The following USP34 variants were observed in gnomAD, a reference collection of about 807,000 sequenced individuals.
USP34 encodes ubiquitin specific peptidase 34, also known as ubiquitin carboxyl-terminal hydrolase 34.
A neutral mutation model predicts 460.3 loss-of-function variants in USP34; 70 were observed. That is an observed-to-expected ratio of 0.15 (90% confidence interval 0.13 to 0.19). The LOEUF (loss-of-function observed/expected upper bound fraction) is 0.19, where lower values mean the gene tolerates loss of function less well. USP34 is among the 10% of genes least tolerant of loss of function. USP34 has a pLI of 1.00. For missense variants in USP34, 3,985 were observed against 4,236.2 expected (o/e 0.94, Z 1.65); for synonymous variants, 1,647 against 1,405.3 (o/e 1.17, Z -3.85).
chr2:61,192,075 C>A (rs1459428552), intron 76 of USP34, among the ~76,000 whole-genome samples: 1 of 152,162 alleles, frequency 6.6e-6, no homozygotes, highest in African/African-American at 2.4e-5. Context: ...TGGCAAACAT[C>A]TAGGAGAATC....
chr2:61,431,024 AGAAATGAAACGAAAT>A (rs891016123), intron 1 of USP34, among the ~76,000 whole-genome samples: 2 of 152,146 alleles, frequency 1.3e-5, no homozygotes, highest in African/African-American at 2.4e-5. Context: ...AAAATAGAAA[AGAAATGAAACGAAAT>A]GAAATGAAAC....
At chr2:61,329,654 A>G (rs1691202880) in intron 20 of USP34, among the ~76,000 whole-genome samples, 1 of 152,166 alleles carries the variant, frequency 6.6e-6, no homozygotes, top group Admixed American at 6.5e-5. Flanking sequence ...TTTTTATGCC[A>G]TGAAGAATCT....
Position 61,203,213 on chromosome 2 carries a change from A to G in USP34, c.9435T>C (p.Tyr3145=). The G allele has an allele frequency of 3.7e-6, 6 of 1,603,066 alleles. No homozygotes were observed. Among genetic ancestry groups the G allele is most frequent in the Middle Eastern group, 1.7e-4 (1 of 6,040 alleles). The part of the protein sequence containing the change: ...DRMLLDYFFS[Y]HQFIHLLCRV... ...GGCATAATAGATGGATGAACTGATG[A>G]TAAGAAAAGAAGTAGTCTAGCAGCA... Residue 3145 remains tyrosine, a synonymous_variant, in exon 75 of 80, where the codon TAT becomes TAC. Coordinates refer to ENST00000398571, the MANE Select transcript of USP34 (RefSeq NM_014709.4).
chr2:61,194,396 T>C (rs920126430), intron 75 of USP34, among the ~76,000 whole-genome samples: 1 of 152,230 alleles, frequency 6.6e-6, no homozygotes, highest in African/African-American at 2.4e-5. Flanking sequence ...CATGTTCCTG[T>C]ATCCTAATTA....
chr2:61,464,752 T>A (rs1013666128), intron 1 of USP34, among the ~76,000 whole-genome samples: 10 of 149,900 alleles, frequency 6.7e-5, no homozygotes, highest in African/African-American at 2.4e-4. Flanking sequence ...AGGTACTATG[T>A]AATTTTCACT....
intron 3 of USP34, 108 bp from the exon 4 acceptor site, chr2:61,395,341 T>C (rs1693484542): frequency 1.4e-6 from 1 of 724,360 alleles, no homozygotes; most frequent in Non-Finnish European, 2.3e-6. Context: ...ACAGATTATT[T>C]TGCAATTACT....
intron 41 of USP34, among the ~76,000 whole-genome samples, chr2:61,269,697 G>A (rs1689156269): frequency 6.6e-6 from 1 of 152,146 alleles, no homozygotes; most frequent in East Asian, 1.9e-4. Context: ...CTGCTGGCTT[G>A]CAATCCATTA....
At chr2:61,296,343 G>C (rs1233999644) in intron 30 of USP34, among the ~76,000 whole-genome samples, 1 of 152,076 alleles carries the variant, frequency 6.6e-6, no homozygotes, top group Non-Finnish European at 1.5e-5. Flanking sequence ...ATGTGAGGTG[G>C]TGTCCATATG....
chr2:61,248,444 A>C, intron 49 of USP34, 67 bp downstream of exon 49: 2 of 1,459,172 alleles, frequency 1.4e-6, no homozygotes, highest in Non-Finnish European at 1.8e-6. Context: ...ACAACTTTAT[A>C]ATTATGCCTA....
At chr2:61,446,182 A>G (rs1208215382) in intron 1 of USP34, among the ~76,000 whole-genome samples, 1 of 152,002 alleles carries the variant, frequency 6.6e-6, no homozygotes, top group East Asian at 1.9e-4. Flanking sequence ...TTCATTTATA[A>G]ATACTTCATT....
chr2:61,343,423 T>C (rs1355317699), intron 16 of USP34, among the ~76,000 whole-genome samples: 1 of 152,174 alleles, frequency 6.6e-6, no homozygotes, highest in Non-Finnish European at 1.5e-5. Context: ...GCCTGCAGAT[T>C]TGCCTATTCT....
chr2:61,246,191 G>T, intron 50 of USP34, 133 bp downstream of exon 50: 1 of 588,398 alleles, frequency 1.7e-6, no homozygotes, highest in Non-Finnish European at 2.7e-6. Context: ...TCTGTTGAAA[G>T]TTATCTTCAT....
chr2:61,384,739 A>T (rs767551720), intron 5 of USP34, among the ~76,000 whole-genome samples: 13 of 152,138 alleles, frequency 8.5e-5, no homozygotes, highest in East Asian at 1.9e-4. Flanking sequence ...ATTCACTATA[A>T]TCAAATAAAA....
intron 27 of USP34, 123 bp downstream of exon 27, chr2:61,311,417 T>C (rs1690587628): frequency 2.0e-6 from 2 of 1,012,590 alleles, no homozygotes; most frequent in Non-Finnish European, 2.7e-6. Flanking sequence ...AGTTGCTATA[T>C]GATATAACCA....
rs11889883 is a variant in USP34, at chr2:61,297,495, G to A, written c.4129-570C>T. ...CTAAGGCAAGAGTAAGCTAAACAAC[G>A]TTTCAAAAACCACTTAGGAAATAGG... On this transcript the variant is annotated intron_variant, in intron 29 of 79. Transcript: ENST00000398571. Among the ~76,000 whole-genome samples, 999 of 152,186 alleles carry A rather than the reference G, an allele frequency of 6.6e-3. 12 individuals are homozygous for A. Among genetic ancestry groups the A allele is most frequent in the African/African-American group, 0.023 (947 of 41,534 alleles).
In USP34 at chr2:61,350,691, C is replaced by G; in HGVS notation, c.1254G>C (p.Leu418Phe). The G allele has an allele frequency of 6.2e-7, 1 of 1,606,322 alleles. No individual in the cohort carries two copies. The highest frequency in any genetic ancestry group is 1.1e-5 in the South Asian group (1 of 88,774). Residue 418 changes from leucine to phenylalanine, a missense_variant and splice_region_variant, in exon 11 of 80, where the codon TTG becomes TTC. By Grantham distance (22) the Leu-to-Phe change is conservative. Around this residue, in one of 14 missense-constraint regions of USP34, gnomAD observed 716 missense variants for 626.2 expected, o/e 1.14. Coordinates refer to ENST00000398571, the MANE Select transcript of USP34 (RefSeq NM_014709.4). Reference sequence around the variant, plus strand: ...CATGTATATACCGACTACAATGTTTCAACTAGAAAATCAAGTTAGAGAGAA... The same window carrying G: ...CATGTATATACCGACTACAATGTTTGAACTAGAAAATCAAGTTAGAGAGAA... ...HIDCIWAAAQ[L>F]KHCSRYIHDL... is the part of the protein sequence containing the mutation.
At chr2:61,355,486 A>C (rs1053090515) in intron 10 of USP34, among the ~76,000 whole-genome samples, 1 of 152,232 alleles carries the variant, frequency 6.6e-6, no homozygotes, top group Non-Finnish European at 1.5e-5. Flanking sequence ...CAGAGTTTTT[A>C]CATGGCATTG....
chr2:61,454,105 TC>T (rs1695362351), intron 1 of USP34, among the ~76,000 whole-genome samples: 1 of 152,186 alleles, frequency 6.6e-6, no homozygotes, highest in Non-Finnish European at 1.5e-5. Flanking sequence ...TCTACAGATT[TC>T]TACAGTGATT....
At chr2:61,198,936 A>C (rs1266591584) in intron 75 of USP34, among the ~76,000 whole-genome samples, 1 of 152,170 alleles carries the variant, frequency 6.6e-6, no homozygotes, top group South Asian at 2.1e-4. Flanking sequence ...TTTTGTGTCT[A>C]AACTGCCTAT....
Sources: allele counts gnomAD v4.1 joint callset (sites outside exome capture counted in the v4.1 genomes callset), GRCh38; gene constraint gnomAD v4.1.1; regional missense constraint gnomAD v4.1.1; transcripts MANE v1.5; gene names NCBI Gene and HGNC (gene_info 2026-07-23, HGNC 2026-07-21).